Variants in USP14 observed in about 807,000 individuals in gnomAD.
The protein encoded by USP14 is ubiquitin specific peptidase 14, also known as ubiquitin carboxyl-terminal hydrolase 14.
USP14 carries 38 observed loss-of-function variants against 76.5 expected under a neutral mutation model. The observed-to-expected ratio is 0.50, with a 90% confidence interval of 0.38 to 0.65. The LOEUF (loss-of-function observed/expected upper bound fraction) is 0.65, where lower values mean the gene tolerates loss of function less well. Among genes scored for constraint, USP14 ranks in the 30% least tolerant of loss-of-function variants. The pLI, the probability that USP14 is intolerant of heterozygous loss-of-function variation, is 0.00. For missense variants in USP14, 467 were observed against 586.5 expected (o/e 0.80, Z 2.10); for synonymous variants, 192 against 191.7 (o/e 1.00, Z -0.01).
chr18:170,346 A>C (rs2509447), intron 3 of USP14, among the ~76,000 whole-genome samples: 2 of 151,832 alleles, frequency 1.3e-5, no homozygotes, highest in Non-Finnish European at 2.9e-5. Flanking sequence ...CCCTACAGTG[A>C]CCTCTAAGTG....
At chr18:173,410 C>T (rs1290059705) in intron 3 of USP14, among the ~76,000 whole-genome samples, 4 of 151,226 alleles carry the variant, frequency 2.6e-5, no homozygotes, top group Non-Finnish European at 5.9e-5. Flanking sequence ...CATGCCCGGC[C>T]TATATTGTCT....
At chr18:166,050 T>A (rs1002700862) in intron 2 of USP14, among the ~76,000 whole-genome samples, 10 of 152,220 alleles carry the variant, frequency 6.6e-5, no homozygotes, top group African/African-American at 2.4e-4. Context: ...AAGGAAAGTA[T>A]ATACTTGCTT....
Position 210,512 on chromosome 18 carries a change from T to C in USP14, c.1333+19T>C, listed in dbSNP as rs1451529575. ...AAACAAGGTAAAGGGTATTCTTTTT[T>C]CAACTGTTCAATATTATTTTAACAG... On this transcript the variant is annotated intron_variant, in intron 15 of 15. Coordinates refer to ENST00000261601, the MANE Select transcript of USP14 (RefSeq NM_005151.4). The C allele has an allele frequency of 8.7e-6, 13 of 1,491,218 alleles. No homozygotes were observed. The highest frequency in any genetic ancestry group is 1.2e-5 in the Non-Finnish European group (13 of 1,085,112). The allele number at this position is 1,491,218 out of a possible 1,614,324, so 92.4% of individuals were successfully genotyped here.
Position 213,785 on chromosome 18 carries a change from T to G in USP14, c.*2501T>G, listed in dbSNP as rs3211364. ...TGGTACTGTCTTCTGCTACTACTAC[T>G]TAGTGCTTTGCTGTGTATAGGGTGT... On this transcript the variant is annotated 3_prime_UTR_variant, in exon 16 of 16. Coordinates refer to ENST00000261601, the MANE Select transcript of USP14 (RefSeq NM_005151.4). The G allele has an allele frequency of 6.6e-6, 1 of 152,200 alleles. No individual in the cohort carries two copies. The highest frequency in any genetic ancestry group is 1.5e-5 in the Non-Finnish European group (1 of 68,024). The allele number at this position is 152,200 out of a possible 1,614,324, so 9.4% of individuals were successfully genotyped here. A position where few individuals can be genotyped will look rare whatever the true frequency, so the allele number is the denominator to read the frequency against.
chr18:184,000 A>G (rs536923692), intron 5 of USP14, among the ~76,000 whole-genome samples: 1 of 152,148 alleles, frequency 6.6e-6, no homozygotes, highest in East Asian at 1.9e-4. Flanking sequence ...TTCTTCTTGG[A>G]TGCCTTTTAG....
intron 5 of USP14, among the ~76,000 whole-genome samples, chr18:187,953 A>G (rs1467792794): frequency 2.6e-5 from 4 of 152,168 alleles, no homozygotes; most frequent in African/African-American, 9.6e-5. Flanking sequence ...GATTTTCTAA[A>G]TAGATAATCA....
Position 211,087 on chromosome 18 carries a change from C to T in USP14, c.1334-46C>T, listed in dbSNP as rs764609140. ...CTTTTTTTGCAGTGGAACTCTGAGA[C>T]GAATCCTGCATAACATTAATTCATC... On this transcript the variant is annotated intron_variant, in intron 15 of 15. Transcript: ENST00000261601. 2.2e-5 allele frequency: 34 copies of T among 1,577,792 alleles called. No homozygotes were observed. The South Asian group carries it at 2.4e-4, about 11-fold the overall frequency.
rs1389814406 is a variant in USP14, at chr18:199,134, GTATTA to G, written c.762-63_762-59del. 4.4e-5 allele frequency: 41 copies of G among 931,402 alleles called. No individual in the cohort carries two copies. In the African/African-American group the frequency reaches 6.7e-4, roughly 15 times the overall value. 57.7% of individuals were successfully genotyped at this position (931,402 alleles called of 1,614,324 possible). On this transcript the variant is annotated intron_variant, in intron 9 of 15. Coordinates refer to ENST00000261601, the MANE Select transcript of USP14 (RefSeq NM_005151.4). Reference sequence around the variant, plus strand: ...TTAATTTTAATGGAATTAGGATAATGTATTATATTCAAGAGTATATAACAAATTGA... The same window carrying G: ...TTAATTTTAATGGAATTAGGATAATGTATTCAAGAGTATATAACAAATTGA...
intron 13 of USP14, among the ~76,000 whole-genome samples, chr18:207,746 T>C (rs905589096): frequency 2.6e-5 from 4 of 152,234 alleles, no homozygotes; most frequent in Admixed American, 2.0e-4. Context: ...TTTAGGTCTT[T>C]AATTTTTTTC....
At chr18:169,882 C>T (rs1007729776) in intron 3 of USP14, among the ~76,000 whole-genome samples, 1 of 152,140 alleles carries the variant, frequency 6.6e-6, no homozygotes, top group Non-Finnish European at 1.5e-5. Context: ...TGAATCACAC[C>T]TGTAAGATGG....
At chr18:180,026 A>C (rs1176332877) in intron 4 of USP14, among the ~76,000 whole-genome samples, 1 of 152,130 alleles carries the variant, frequency 6.6e-6, no homozygotes, top group African/African-American at 2.4e-5. Flanking sequence ...AAGGAAACTA[A>C]AACATAATAT....
At chr18:190,340 G>A (rs147982314) in intron 5 of USP14, among the ~76,000 whole-genome samples, 1 of 152,280 alleles carries the variant, frequency 6.6e-6, no homozygotes, top group African/African-American at 2.4e-5. Context: ...GAGTGAAACT[G>A]CTGGGTCATA....
At chr18:163,481 A>T in intron 2 of USP14, 28 bp downstream of exon 2, 1 of 1,589,376 alleles carries the variant, frequency 6.3e-7, no homozygotes, top group Non-Finnish European at 8.6e-7. Context: ...TTTTCATCAC[A>T]TTACTATTAT....
chr18:166,710 TTAAAA>T (rs113002946), intron 2 of USP14, 72 bp from the exon 3 acceptor site: 294,737 of 1,434,338 alleles, frequency 0.21, 31,938 homozygotes, highest in Non-Finnish European at 0.23. Context: ...TTGAAGTACA[TTAAAA>T]TAAATTGATT....
chr18:168,933 C>T (rs569125904), intron 3 of USP14, among the ~76,000 whole-genome samples: 83 of 151,594 alleles, frequency 5.5e-4, no homozygotes, highest in African/African-American at 1.8e-3. Context: ...AACAATTAGC[C>T]GTGCATGGTG....
At chr18:203,969 T>C (rs1478819662) in intron 12 of USP14, among the ~76,000 whole-genome samples, 6 of 152,114 alleles carry the variant, frequency 3.9e-5, no homozygotes, top group Admixed American at 1.3e-4. Flanking sequence ...TCTGACTGTT[T>C]TTGTTGAGTT....
chr18:161,779 A>G (rs1282936163), intron 1 of USP14, among the ~76,000 whole-genome samples: 1 of 152,222 alleles, frequency 6.6e-6, no homozygotes, highest in Non-Finnish European at 1.5e-5. Flanking sequence ...TAAAATTTTC[A>G]GTGGAAACAA....
chr18:191,948 A>T (rs1910100469), intron 5 of USP14, among the ~76,000 whole-genome samples: 1 of 152,162 alleles, frequency 6.6e-6, no homozygotes, highest in African/African-American at 2.4e-5. Flanking sequence ...GTGAGTAATG[A>T]CTATGGTTTG....
Position 207,198 on chromosome 18 carries a change from A to G in USP14, c.1164+2506A>G, listed in dbSNP as rs183946089. Among the ~76,000 whole-genome samples the G allele has an allele frequency of 2.8e-5, 4 of 144,896 alleles. No homozygotes were observed. The East Asian group carries it at 7.7e-4, about 28-fold the overall frequency. On this transcript the variant is annotated intron_variant, in intron 13 of 15. Transcript: ENST00000261601. Reference sequence around the variant, plus strand: ...ATATGTCTGTCCTGATGCTCATACCAGACTGACTTGATTACTGTAGTTTTC... The same window carrying G: ...ATATGTCTGTCCTGATGCTCATACCGGACTGACTTGATTACTGTAGTTTTC...
Sources: gnomAD v4.1 joint callset for allele counts (sites outside exome capture counted in the v4.1 genomes callset) on GRCh38, gnomAD v4.1.1 for gene constraint, MANE v1.5 for transcripts, NCBI Gene and HGNC (gene_info 2026-07-23, HGNC 2026-07-21) for gene names.